CEP83: variants seen among roughly 807,000 people sequenced by gnomAD.
CEP83 encodes the protein centrosomal protein 83.
In CEP83, 70 loss-of-function variants were observed where a neutral mutation model predicts 101.9. The ratio of observed to expected loss-of-function variants is 0.69; its 90% CI spans 0.57 to 0.84. The LOEUF is 0.84. Ranked by LOEUF, CEP83 falls within the 40% of genes least tolerant of loss-of-function variation. CEP83 has a pLI of 0.00. For missense variants in CEP83, 715 were observed against 787.2 expected (o/e 0.91, Z 1.10); for synonymous variants, 264 against 267.9 (o/e 0.99, Z 0.14).
At chr12:94,313,560 C>T (rs1445865865) in intron 14 of CEP83, among the ~76,000 whole-genome samples, 1 of 150,008 alleles carries the variant, frequency 6.7e-6, no homozygotes, top group Non-Finnish European at 1.5e-5. Context: ...GGTGGGGAGC[C>T]AGGCACAGTG....
the CEP83 span, chr12:94,297,090 A>C: frequency 8.8e-7 from 1 of 1,139,032 alleles, no homozygotes; most frequent in South Asian, 1.3e-5. Context: ...AAGTAACTTC[A>C]GTATACAGCA....
At chr12:94,329,663 G>A (rs547477144) in intron 14 of CEP83, among the ~76,000 whole-genome samples, 8 of 152,174 alleles carry the variant, frequency 5.3e-5, no homozygotes, top group East Asian at 1.9e-4. Context: ...GCTGTAACAC[G>A]GCTTCAGATG....
At chr12:94,310,401 T>G (rs1462123881) in intron 15 of CEP83, among the ~76,000 whole-genome samples, 1 of 151,990 alleles carries the variant, frequency 6.6e-6, no homozygotes, top group Non-Finnish European at 1.5e-5. Context: ...CTCACCCCCA[T>G]TCATGAATCC....
intron 14 of CEP83, 98 bp from the exon 15 acceptor site, chr12:94,313,115 T>C (rs1970125050): frequency 1.8e-6 from 1 of 550,852 alleles, no homozygotes; most frequent in African/African-American, 2.0e-5. Context: ...TGTGTTTAGA[T>C]ATGAATGTTT....
At chr12:94,449,835 C>T (rs996190080) in intron 1 of CEP83, among the ~76,000 whole-genome samples, 1 of 138,634 alleles carries the variant, frequency 7.2e-6, no homozygotes, top group African/African-American at 2.7e-5. Context: ...CAAGTGTGAT[C>T]TGTCCCAGGA....
At chr12:94,432,149 G>A (rs2065679434) in intron 2 of CEP83, among the ~76,000 whole-genome samples, 1 of 151,638 alleles carries the variant, frequency 6.6e-6, no homozygotes, top group Non-Finnish European at 1.5e-5. Flanking sequence ...CTGCCTCCCA[G>A]GTTCACACCA....
intron 1 of CEP83, among the ~76,000 whole-genome samples, chr12:94,450,283 G>A (rs1022962712): frequency 3.9e-5 from 6 of 152,088 alleles, no homozygotes; most frequent in South Asian, 4.2e-4. Flanking sequence ...ACAGATTCTC[G>A]CTCTGTCTTC....
In CEP83 at chr12:94,378,923, T is replaced by A; in HGVS notation, c.669A>T (p.Lys223Asn). Residue 223 changes from lysine (K) to asparagine (N), a missense_variant, in exon 7 of 17, where the codon AAA becomes AAT. Physicochemically the swap from Lys to Asn is moderately conservative, Grantham distance 94. Transcript: ENST00000397809. Reference sequence around the variant, plus strand: ...CTACTTCAGCCTCTAAACCTTTTAATTTTTGACACAAATAGACTTTTTCTC... The same window carrying A: ...CTACTTCAGCCTCTAAACCTTTTAAATTTTGACACAAATAGACTTTTTCTC... ...LAREKVYLCQ[K>N]LKGLEAEVAE... The A allele has an allele frequency of 6.2e-7, 1 of 1,614,132 alleles. No individual in the cohort carries two copies.
intron 6 of CEP83, among the ~76,000 whole-genome samples, chr12:94,393,715 T>C (rs893471373): frequency 1.3e-5 from 2 of 152,144 alleles, no homozygotes; most frequent in Admixed American, 1.3e-4. Flanking sequence ...GATTGTATAT[T>C]TAGAAAACTC....
At chr12:94,273,691 G>GT in the CEP83 span, among the ~76,000 whole-genome samples, 1 of 152,108 alleles carries the variant, frequency 6.6e-6, no homozygotes, top group Admixed American at 6.5e-5. Context: ...ATGAGTACAG[G>GT]TTCTGATTTG....
intron 2 of CEP83, among the ~76,000 whole-genome samples, chr12:94,418,386 G>A (rs2064455443): frequency 6.6e-6 from 1 of 151,886 alleles, no homozygotes; most frequent in African/African-American, 2.4e-5. Flanking sequence ...AAAATACAAT[G>A]ACCAAAATAA....
intron 6 of CEP83, among the ~76,000 whole-genome samples, chr12:94,383,814 C>T (rs779949842): frequency 5.3e-5 from 8 of 151,944 alleles, no homozygotes; most frequent in Non-Finnish European, 1.2e-4. Context: ...ATTTATGTAA[C>T]TTATCATGGT....
intron 1 of CEP83, among the ~76,000 whole-genome samples, chr12:94,444,253 G>T (rs1369062515): frequency 6.6e-6 from 1 of 152,064 alleles, no homozygotes; most frequent in African/African-American, 2.4e-5. Flanking sequence ...ACAAAAATTA[G>T]CCAGGCATGG....
chr12:94,325,087 C>G (rs530052522), intron 14 of CEP83, among the ~76,000 whole-genome samples: 1 of 152,154 alleles, frequency 6.6e-6, no homozygotes, highest in Non-Finnish European at 1.5e-5. Flanking sequence ...TCCTTTCCTT[C>G]AGTCTCTGCT....
the CEP83 span, among the ~76,000 whole-genome samples, chr12:94,273,729 A>G: frequency 2.0e-5 from 3 of 152,216 alleles, no homozygotes; most frequent in Admixed American, 2.0e-4. Flanking sequence ...TGCACACAAT[A>G]GGTGCAAAGT....
rs144291841 is a variant in CEP83, at chr12:94,395,561, C to T, written c.549+5289G>A. Among the ~76,000 whole-genome samples, 216 of 152,120 alleles carry T rather than the reference C, an allele frequency of 1.4e-3. 1 individual carries two copies. The highest frequency in any genetic ancestry group is 4.9e-3 in the African/African-American group (202 of 41,522). ...TTTGGCTGGGTGTGGTGACTCGGGA[C>T]GCCTGTAATCCCAACACTGTGGGAG... On this transcript the variant is annotated intron_variant, in intron 6 of 16. Coordinates refer to ENST00000397809, the MANE Select transcript of CEP83 (RefSeq NM_016122.3).
intron 11 of CEP83, among the ~76,000 whole-genome samples, chr12:94,339,452 T>G (rs2059588610): frequency 6.6e-6 from 1 of 152,204 alleles, no homozygotes; most frequent in Non-Finnish European, 1.5e-5. Flanking sequence ...AGTGCACACT[T>G]GAAATGTACT....
At chr12:94,410,608 A>G (rs2063819948) in intron 4 of CEP83, among the ~76,000 whole-genome samples, 1 of 152,224 alleles carries the variant, frequency 6.6e-6, no homozygotes, top group Non-Finnish European at 1.5e-5. Flanking sequence ...CAGAATAATT[A>G]AATTTGCAAT....
the CEP83 span, among the ~76,000 whole-genome samples, chr12:94,268,391 C>T: frequency 2.0e-5 from 3 of 152,198 alleles, no homozygotes; most frequent in South Asian, 2.1e-4. Context: ...GCCATACTTC[C>T]TCCAGGACCA....
Sources: allele counts gnomAD v4.1 joint callset (sites outside exome capture counted in the v4.1 genomes callset), GRCh38; gene constraint gnomAD v4.1.1; transcripts MANE v1.5; gene names NCBI Gene and HGNC (gene_info 2026-07-23, HGNC 2026-07-21).